Variants in CLCF1 observed in about 807,000 individuals in gnomAD.
CLCF1 encodes the protein cardiotrophin-like cytokine factor 1.
A neutral mutation model predicts 21.2 loss-of-function variants in CLCF1; 10 were observed. That is an observed-to-expected ratio of 0.47 (90% CI 0.29 to 0.80). The LOEUF is 0.80. Among genes scored for constraint, CLCF1 ranks in the 30% least tolerant of loss-of-function variants. The pLI is 0.09. For synonymous variants in CLCF1, 115 were observed against 120.5 expected (o/e 0.95, Z 0.30); for missense variants, 240 against 293.4 (o/e 0.82, Z 1.33).
chr11:67,370,896 C>T, intron 1 of CLCF1: 2 of 985,450 alleles, frequency 2.0e-6, no homozygotes, highest in Non-Finnish European at 2.4e-6. Flanking sequence ...CTAAATGTTG[C>T]AGCCAGGGAG....
rs1218984484 is a variant in CLCF1 at position 67,365,253 on chromosome 11, C to T, written c.561G>A (p.Leu187=). 1.2e-6 allele frequency: 2 copies of T among 1,613,914 alleles called. No individual in the cohort carries two copies. Among genetic ancestry groups the T allele is most frequent in the Non-Finnish European group, 1.7e-6 (2 of 1,180,054 alleles). Residue 187 remains leucine, a synonymous_variant, in exon 3 of 3, where the codon CTG becomes CTA. Coordinates refer to ENST00000312438, the MANE Select transcript of CLCF1 (RefSeq NM_013246.3). The surrounding 1 kb of genome is among the most constrained non-coding windows in gnomAD (Gnocchi z 5.0). ...DFLQKMDDFW[L]LKELQTWLWR... ...ACAGCCAGGTCTGCAGCTCCTTCAGCAGCCAGAAGTCGTCCATCTTCTGGA... is the reference window on the plus strand; with the variant it reads ...ACAGCCAGGTCTGCAGCTCCTTCAGTAGCCAGAAGTCGTCCATCTTCTGGA...
chr11:67,365,692 A>C lies in CLCF1; in HGVS notation c.184-62T>G. 1 of 1,528,134 alleles carries C rather than the reference A, an allele frequency of 6.5e-7. No homozygotes were observed. The highest frequency in any genetic ancestry group is 1.8e-4 in the Middle Eastern group (1 of 5,572). 94.7% of individuals were successfully genotyped at this position (1,528,134 alleles called of 1,614,324 possible). ...CAGAGCCGCTGGCTCACCACCAAGG[A>C]GATACCTGCTCCCAAAGTTTCTATT... On this transcript the variant is annotated intron_variant, in intron 2 of 2. Coordinates refer to ENST00000312438, the MANE Select transcript of CLCF1 (RefSeq NM_013246.3). This position sits in a 1 kb window ranked among gnomAD's most constrained non-coding sequence, Gnocchi z 5.0.
In CLCF1 at chr11:67,370,632, T is replaced by A. The variant is rs553240019; in HGVS notation, c.16+2892A>T. The A allele has an allele frequency of 5.6e-4, 498 of 889,796 alleles. 1 individual carries two copies. The highest frequency in any genetic ancestry group is 4.1e-3 in the Middle Eastern group (7 of 1,720). The allele number at this position is 889,796 out of a possible 1,614,324, so 55.1% of individuals were successfully genotyped here. ...CATGAACACACACACACACACACAC[T>A]CTCTCTCTCTTAGCCCAAGGAAGTG... On this transcript the variant is annotated intron_variant, in intron 1 of 2. Transcript: ENST00000312438.
chr11:67,372,629 G>A lies in CLCF1; in HGVS notation c.16+895C>T, dbSNP rs944051953. On this transcript the variant is annotated intron_variant, in intron 1 of 2. Transcript: ENST00000312438. This position sits in a 1 kb window ranked among gnomAD's most constrained non-coding sequence, Gnocchi z 5.9. ...GCTCCTTCCCCGCGGCGGGGGCGGG[G>A]GCGGGGGCGGGGGCGGGGTCCGGGG... Among the ~76,000 whole-genome samples, 1 of 148,512 alleles carries A rather than the reference G, an allele frequency of 6.7e-6. No homozygotes were observed. Among genetic ancestry groups the A allele is most frequent in the Admixed American group, 6.6e-5 (1 of 15,070 alleles).
At position 67,365,255 on chromosome 11, in the gene CLCF1, G is replaced by A; in HGVS notation, c.559C>T (p.Leu187=). The change falls in exon 3 of 3, where the codon CTG becomes TTG. Residue 187 remains leucine (L), a synonymous_variant. Transcript: ENST00000312438. This position sits in a 1 kb window ranked among gnomAD's most constrained non-coding sequence, Gnocchi z 5.0. ...AGCCAGGTCTGCAGCTCCTTCAGCA[G>A]CCAGAAGTCGTCCATCTTCTGGAGG... ...DFLQKMDDFW[L]LKELQTWLWR... is the part of the protein sequence containing the mutation. 6.2e-7 allele frequency: 1 copy of A among 1,614,044 alleles called. No individual in the cohort carries two copies. Among genetic ancestry groups the A allele is most frequent in the Non-Finnish European group, 8.5e-7 (1 of 1,180,042 alleles).
At chr11:67,369,877 C>A (rs1159601911) in intron 1 of CLCF1, 2 of 985,306 alleles carry the variant, frequency 2.0e-6, no homozygotes, top group Non-Finnish European at 2.4e-6. Flanking sequence ...TACACAGGGA[C>A]AGCAGGGGGA....
At chr11:67,370,500 C>CA in intron 1 of CLCF1, 3 of 984,858 alleles carry the variant, frequency 3.0e-6, no homozygotes, top group Non-Finnish European at 3.6e-6. Context: ...CGGCTGAGCA[C>CA]GTGAGGAGCT....
rs200379623 is a variant in CLCF1 at position 67,367,592 on chromosome 11, C to A, written c.51G>T (p.Thr17=). ...DSWGMLACLC[T]VLWHLPAVPA... is the part of the protein sequence containing the mutation. ...GCACTGCAGGGAGGTGCCAGAGCAC[C>A]GTGCACAGGCACGCTAACATCCCCC... The change falls in exon 2 of 3, where the codon ACG becomes ACT. Residue 17 remains threonine, a synonymous_variant. Coordinates refer to ENST00000312438, the MANE Select transcript of CLCF1 (RefSeq NM_013246.3). 1 of 1,613,744 alleles carries A rather than the reference C, an allele frequency of 6.2e-7. No individual in the cohort carries two copies. The highest frequency in any genetic ancestry group is 1.3e-5 in the African/African-American group (1 of 74,890).
At position 67,365,146 on chromosome 11, in the gene CLCF1, T is replaced by G; in HGVS notation, c.668A>C (p.His223Pro). 1.2e-6 allele frequency: 2 copies of G among 1,613,842 alleles called. No homozygotes were observed. The highest frequency in any genetic ancestry group is 1.7e-6 in the Non-Finnish European group (2 of 1,180,032). ...AAAVTLHLGA[H>P]GF ...GGAGAAGGTCAGAAGTCAGAAGCCA[T>G]GAGCCCCCAGGTGCAGGGTGACTGC... Residue 223 changes from histidine to proline, a missense_variant, in exon 3 of 3, where the codon CAT (histidine) becomes CCT (proline). Transcript: ENST00000312438. The surrounding 1 kb of genome is among the most constrained non-coding windows in gnomAD (Gnocchi z 5.0).
intron 1 of CLCF1, chr11:67,368,408 G>A: frequency 5.1e-6 from 5 of 985,382 alleles, no homozygotes; most frequent in Non-Finnish European, 6.0e-6. Context: ...GGAAGGGAGA[G>A]AGGTGCATTT....
intron 1 of CLCF1, among the ~76,000 whole-genome samples, chr11:67,371,799 G>T (rs1862241416): frequency 6.6e-6 from 1 of 152,138 alleles, no homozygotes; most frequent in South Asian, 2.1e-4. Context: ...TGGGACGTGG[G>T]GAGGAATGTG....
intron 1 of CLCF1, chr11:67,370,279 G>T (rs975350321): frequency 1.0e-6 from 1 of 985,180 alleles, no homozygotes; most frequent in Admixed American, 6.1e-5. Context: ...GCCTCCTGAG[G>T]AGAGTGCGTG....
rs376831170 is a variant in CLCF1, at chr11:67,367,674, G to A, written c.17-48C>T. 7.1e-4 allele frequency: 1,135 copies of A among 1,592,862 alleles called. 2 individuals are homozygous for A. The highest frequency in any genetic ancestry group is 8.8e-4 in the Middle Eastern group (4 of 4,542). On this transcript the variant is annotated intron_variant, in intron 1 of 2. Coordinates refer to ENST00000312438, the MANE Select transcript of CLCF1 (RefSeq NM_013246.3). The stretch of plus-strand genomic sequence containing the variant: ...GCATGAGCGCGGCCCGGGCCCACAC[G>A]GGGAAGCAGCTGGCAGCCCCTCAGG...
intron 1 of CLCF1, chr11:67,369,072 T>G: frequency 2.0e-6 from 2 of 985,168 alleles, no homozygotes; most frequent in Non-Finnish European, 2.4e-6. Flanking sequence ...GGGATTTGGA[T>G]TCAAGAAAGA....
chr11:67,368,930 T>TTTTTG, intron 1 of CLCF1: 1 of 911,920 alleles, frequency 1.1e-6, no homozygotes, highest in Non-Finnish European at 1.3e-6. Flanking sequence ...TTTTTTTTTT[T>TTTTTG]GCTGCCACCT....
Position 67,364,963 on chromosome 11 carries a change from T to G in CLCF1, c.*173A>C, listed in dbSNP as rs944669731. ...ACCTCCTCCCCAGCTCGGTAGACCT[T>G]TGGGAGGTGGGGAGGAGACAGGGCT... On this transcript the variant is annotated 3_prime_UTR_variant, in exon 3 of 3. Coordinates refer to ENST00000312438, the MANE Select transcript of CLCF1 (RefSeq NM_013246.3). 38 of 996,768 alleles carry G rather than the reference T, an allele frequency of 3.8e-5. No individual in the cohort carries two copies. The highest frequency in any genetic ancestry group is 4.8e-5 in the Non-Finnish European group (33 of 686,078). 61.7% of individuals were successfully genotyped at this position (996,768 alleles called of 1,614,324 possible). A position where few individuals can be genotyped will look rare whatever the true frequency, so the allele number is the denominator to read the frequency against.
chr11:67,365,597 C>A lies in CLCF1; in HGVS notation c.217G>T (p.Asp73Tyr). 6.2e-7 allele frequency: 1 copy of A among 1,612,776 alleles called. No individual in the cohort carries two copies. Among genetic ancestry groups the A allele is most frequent in the Non-Finnish European group, 8.5e-7 (1 of 1,178,886 alleles). The part of the protein sequence containing the change: ...NYLGPPFNEP[D>Y]FNPPRLGAET... Reference sequence around the variant, plus strand: ...GCCCCCAGGCGGGGAGGGTTGAAGTCTGGCTCGTTGAAAGGGGGGCCCAGG... The same window carrying A: ...GCCCCCAGGCGGGGAGGGTTGAAGTATGGCTCGTTGAAAGGGGGGCCCAGG... Residue 73 changes from aspartate (D) to tyrosine (Y), a missense_variant, in exon 3 of 3, where the codon GAC (aspartate) becomes TAC (tyrosine). Physicochemically the swap from Asp to Tyr is radical, Grantham distance 160. Transcript: ENST00000312438. This position sits in a 1 kb window ranked among gnomAD's most constrained non-coding sequence, Gnocchi z 5.0.
At position 67,370,277 on chromosome 11, in the gene CLCF1, A is replaced by G. The variant is rs888218400; in HGVS notation, c.17-2651T>C. On this transcript the variant is annotated intron_variant, in intron 1 of 2. Transcript: ENST00000312438. ...CCCAACACAGCTCGCCTGCCTCCTG[A>G]GGAGAGTGCGTGGTGGGCTTCCTGG... 3.0e-6 allele frequency: 3 copies of G among 985,140 alleles called. No homozygotes were observed. The African/African-American group carries it at 5.2e-5, about 17-fold the overall frequency. 61.0% of individuals were successfully genotyped at this position (985,140 alleles called of 1,614,324 possible).
chr11:67,370,525 A>AC (rs1195897829), intron 1 of CLCF1: 1 of 922,086 alleles, frequency 1.1e-6, no homozygotes, highest in Admixed American at 7.5e-5. Context: ...AGTACAGCTC[A>AC]CGTTTCCTGC....
Sources: allele counts gnomAD v4.1 joint callset (sites outside exome capture counted in the v4.1 genomes callset), GRCh38; gene constraint gnomAD v4.1.1; non-coding constraint Gnocchi (gnomAD v3.1); transcripts MANE v1.5; gene names NCBI Gene and HGNC (gene_info 2026-07-23, HGNC 2026-07-21).